The following TESK2 variants were observed in gnomAD, a reference collection of about 807,000 sequenced individuals.
The protein encoded by TESK2 is dual specificity testis-specific protein kinase 2.
A neutral mutation model predicts 57.1 loss-of-function variants in TESK2; 39 were observed. The ratio of observed to expected loss-of-function variants is 0.68; its 90% CI spans 0.53 to 0.89. The LOEUF (loss-of-function observed/expected upper bound fraction) is 0.89. Ranked by LOEUF, TESK2 falls within the 40% of genes least tolerant of loss-of-function variation. TESK2 has a pLI of 0.00. For synonymous variants in TESK2, 249 were observed against 267.9 expected (o/e 0.93, Z 0.69); for missense variants, 646 against 732.1 (o/e 0.88, Z 1.36).
intron 2 of TESK2, among the ~76,000 whole-genome samples, chr1:45,432,612 A>AC (rs1218041907): frequency 6.6e-6 from 1 of 150,664 alleles, no homozygotes; most frequent in Non-Finnish European, 1.5e-5. Flanking sequence ...AATGGCGTGA[A>AC]CTGGGGAGGC....
At chr1:45,363,954 A>T (rs899539574) in intron 4 of TESK2, among the ~76,000 whole-genome samples, 2 of 152,182 alleles carry the variant, frequency 1.3e-5, no homozygotes, top group Non-Finnish European at 2.9e-5. Context: ...CAGTAAGTTG[A>T]TACATGTAAA....
chr1:45,378,504 C>A (rs890497927), intron 4 of TESK2, among the ~76,000 whole-genome samples: 4 of 152,050 alleles, frequency 2.6e-5, no homozygotes, highest in African/African-American at 9.7e-5. Context: ...AATGAGACAC[C>A]ATGTGGAAAA....
At chr1:45,436,977 T>C (rs537183781) in intron 2 of TESK2, among the ~76,000 whole-genome samples, 1 of 152,044 alleles carries the variant, frequency 6.6e-6, no homozygotes, top group South Asian at 2.1e-4. Context: ...TTTGTATTTT[T>C]AGTAGAGATA....
chr1:45,368,535 G>A (rs1287971557), intron 4 of TESK2, among the ~76,000 whole-genome samples: 2 of 151,412 alleles, frequency 1.3e-5, no homozygotes, highest in East Asian at 2.0e-4. Flanking sequence ...CACCACGCCC[G>A]GCTAATTTTT....
chr1:45,365,300 C>A (rs566158614), intron 4 of TESK2, among the ~76,000 whole-genome samples: 17 of 152,180 alleles, frequency 1.1e-4, no homozygotes, highest in African/African-American at 3.6e-4. Flanking sequence ...TTCACCAGGG[C>A]CTGCCTGACT....
At chr1:45,384,346 T>C (rs919449301) in intron 4 of TESK2, among the ~76,000 whole-genome samples, 276 of 147,562 alleles carry the variant, frequency 1.9e-3, no homozygotes, top group South Asian at 3.1e-3. Flanking sequence ...TATGTATGTA[T>C]GTATGTATGT....
chr1:45,466,986 T>C (rs1652579901), intron 1 of TESK2, among the ~76,000 whole-genome samples: 1 of 152,028 alleles, frequency 6.6e-6, no homozygotes, highest in African/African-American at 2.4e-5. Flanking sequence ...ATATTACATA[T>C]TTATAGTGAA....
intron 4 of TESK2, among the ~76,000 whole-genome samples, chr1:45,369,220 G>A (rs1648076712): frequency 6.6e-6 from 1 of 152,120 alleles, no homozygotes; most frequent in Non-Finnish European, 1.5e-5. Context: ...AAAGAATGGG[G>A]CTGAGTGCAG....
intron 3 of TESK2, among the ~76,000 whole-genome samples, chr1:45,394,604 T>C (rs1218611057): frequency 6.7e-6 from 1 of 148,832 alleles, no homozygotes. Flanking sequence ...ACAGACTACA[T>C]GCAGTGAGTA....
At chr1:45,373,720 G>C (rs1336477777) in intron 4 of TESK2, among the ~76,000 whole-genome samples, 1 of 152,162 alleles carries the variant, frequency 6.6e-6, no homozygotes, top group Non-Finnish European at 1.5e-5. Context: ...TGGTGACCAG[G>C]ATAACAAGAA....
At chr1:45,432,419 C>T (rs907450868) in intron 2 of TESK2, among the ~76,000 whole-genome samples, 16 of 151,808 alleles carry the variant, frequency 1.1e-4, no homozygotes, top group South Asian at 4.2e-4. Context: ...TGTCCAGGCA[C>T]GGTGGCTCAC....
chr1:45,476,177 C>T (rs1037845433), intron 1 of TESK2, among the ~76,000 whole-genome samples: 4 of 152,100 alleles, frequency 2.6e-5, no homozygotes, highest in African/African-American at 9.7e-5. Context: ...AAAATGGAGA[C>T]AATCCAAATA....
chr1:45,386,397 ATAG>A (rs1648899678), intron 3 of TESK2, among the ~76,000 whole-genome samples: 3 of 145,278 alleles, frequency 2.1e-5, no homozygotes, highest in Non-Finnish European at 4.6e-5. Context: ...AAAAGGAAAG[ATAG>A]ATAGAAAAGA....
At chr1:45,416,721 T>A (rs1463366918) in intron 3 of TESK2, among the ~76,000 whole-genome samples, 2 of 152,002 alleles carry the variant, frequency 1.3e-5, no homozygotes. Flanking sequence ...TCTGACCAAC[T>A]TCCCCCTATT....
chr1:45,460,094 A>G (rs1429179598), intron 1 of TESK2, among the ~76,000 whole-genome samples: 1 of 152,124 alleles, frequency 6.6e-6, no homozygotes, highest in Non-Finnish European at 1.5e-5. Flanking sequence ...AAAACTTCCT[A>G]TTGGGTACTG....
At chr1:45,388,822 G>A (rs550414502) in intron 3 of TESK2, among the ~76,000 whole-genome samples, 12 of 144,802 alleles carry the variant, frequency 8.3e-5, no homozygotes, top group South Asian at 4.5e-4. Flanking sequence ...CCTGGTTCAC[G>A]CCATTCTCCT....
chr1:45,343,931 G>T lies in TESK2; in HGVS notation c.*909C>A. ...TTAAGTCTGAAAATGTCTTGGGAAA[G>T]TTTTACAAAAAAAAAAATCAACAGA... On this transcript the variant is annotated 3_prime_UTR_variant, in exon 11 of 11. Coordinates refer to ENST00000372086, the MANE Select transcript of TESK2 (RefSeq NM_007170.3). This position sits in a 1 kb window ranked among gnomAD's most constrained non-coding sequence, Gnocchi z 4.3. 3.7e-5 allele frequency: 15 copies of T among 400,434 alleles called. No individual in the cohort carries two copies. The highest frequency in any genetic ancestry group is 1.2e-4 in the South Asian group (2 of 16,526). 24.8% of individuals were successfully genotyped at this position (400,434 alleles called of 1,614,324 possible). A position where few individuals can be genotyped will look rare whatever the true frequency, so the allele number is the denominator to read the frequency against.
chr1:45,462,562 G>A lies in TESK2; in HGVS notation c.-86-4691C>T, dbSNP rs945777256. ...GCTGAGATTACAGGCGTGAGCCACC[G>A]CGCCCGGCAGAGGATCTCATTTTTT... On this transcript the variant is annotated intron_variant, in intron 1 of 10. Coordinates refer to ENST00000372086, the MANE Select transcript of TESK2 (RefSeq NM_007170.3). Among the ~76,000 whole-genome samples the A allele has an allele frequency of 8.5e-5, 13 of 152,280 alleles. No individual in the cohort carries two copies. In the East Asian group the frequency reaches 1.9e-3, roughly 23 times the overall value.
At chr1:45,362,515 A>G (rs1464432004) in intron 4 of TESK2, among the ~76,000 whole-genome samples, 2 of 152,350 alleles carry the variant, frequency 1.3e-5, no homozygotes, top group South Asian at 2.1e-4. Context: ...AAAAATTTGA[A>G]TTACCAGTGT....
Sources: allele counts gnomAD v4.1 joint callset (sites outside exome capture counted in the v4.1 genomes callset), GRCh38; gene constraint gnomAD v4.1.1; non-coding constraint Gnocchi (gnomAD v3.1); transcripts MANE v1.5; gene names NCBI Gene and HGNC (gene_info 2026-07-23, HGNC 2026-07-21).